Variants in ME2 observed in about 807,000 individuals in gnomAD.
ME2 encodes the protein NAD-dependent malic enzyme, mitochondrial.
ME2 carries 60 observed loss-of-function variants against 73.7 expected under a neutral mutation model. The ratio of observed to expected loss-of-function variants is 0.81; its 90% CI spans 0.66 to 1.01. The LOEUF is 1.01. ME2 is among the 50% of genes least tolerant of loss of function. ME2 has a pLI of 0.00. For synonymous variants in ME2, 199 were observed against 236.9 expected, an observed-to-expected ratio of 0.84 and a Z score of 1.47; for missense variants, 594 against 705.5, an observed-to-expected ratio of 0.84 and a Z score of 1.79.
At chr18:50,886,955 C>T (rs556861330) in intron 1 of ME2, among the ~76,000 whole-genome samples, 78 of 152,064 alleles carry the variant, frequency 5.1e-4, no homozygotes, top group Admixed American at 1.2e-3. Flanking sequence ...GAGCTGAGAT[C>T]GTGCCACTGC....
intron 1 of ME2, among the ~76,000 whole-genome samples, chr18:50,893,866 T>A (rs1051308139): frequency 2.0e-5 from 3 of 152,242 alleles, no homozygotes; most frequent in African/African-American, 7.2e-5. Context: ...CCATCCCTAC[T>A]ATCTTGGCCT....
At chr18:50,889,708 C>T (rs183203085) in intron 1 of ME2, among the ~76,000 whole-genome samples, 241 of 152,222 alleles carry the variant, frequency 1.6e-3, no homozygotes, top group Non-Finnish European at 1.5e-3. Context: ...TTTCCTAAGA[C>T]GTATCAGATT....
At position 50,953,437 on chromosome 18, in the gene ME2, T is replaced by C. The variant is rs1366561140; in HGVS notation, c.*6253T>C. ...ACCAGTTCATCTGATTTTTACTTTG[T>C]TCCCATTTATAATTCAAATATAATA... On this transcript the variant is annotated 3_prime_UTR_variant, in exon 16 of 16. Coordinates refer to ENST00000321341, the MANE Select transcript of ME2 (RefSeq NM_002396.5). The C allele has an allele frequency of 6.6e-6, 1 of 152,214 alleles. No individual in the cohort carries two copies. Among genetic ancestry groups the C allele is most frequent in the African/African-American group, 2.4e-5 (1 of 41,454 alleles). The allele number at this position is 152,214 out of a possible 1,614,324, so 9.4% of individuals were successfully genotyped here.
chr18:50,943,758 G>C (rs1437728452), intron 15 of ME2, among the ~76,000 whole-genome samples: 1 of 152,172 alleles, frequency 6.6e-6, no homozygotes, highest in Non-Finnish European at 1.5e-5. Context: ...TTATATTAAA[G>C]CCAGCTGTAC....
chr18:50,903,030 G>A (rs1430697486), intron 2 of ME2, among the ~76,000 whole-genome samples: 4 of 152,244 alleles, frequency 2.6e-5, no homozygotes, highest in African/African-American at 7.2e-5. Flanking sequence ...ATAGTTCAGG[G>A]TCTTTCAGGA....
At chr18:50,908,345 C>A in intron 3 of ME2, 149 bp downstream of exon 3, 1 of 536,504 alleles carries the variant, frequency 1.9e-6, no homozygotes, top group Non-Finnish European at 3.2e-6. Flanking sequence ...GTGTTTCTTT[C>A]ACTTCGGTGA....
In ME2 at chr18:50,940,270, T is replaced by C; in HGVS notation, c.1489-18T>C. On this transcript the variant is annotated intron_variant, in intron 14 of 15. Coordinates refer to ENST00000321341, the MANE Select transcript of ME2 (RefSeq NM_002396.5). Reference sequence around the variant, plus strand: ...GTTATTTAAACAAACAAAAGCAAAATGCTGTTTTTCTCTTCAGGCCCTGAC... The same window carrying C: ...GTTATTTAAACAAACAAAAGCAAAACGCTGTTTTTCTCTTCAGGCCCTGAC... 4.5e-6 allele frequency: 7 copies of C among 1,565,868 alleles called. No individual in the cohort carries two copies. The highest frequency in any genetic ancestry group is 6.1e-6 in the Non-Finnish European group (7 of 1,147,912).
intron 1 of ME2, among the ~76,000 whole-genome samples, chr18:50,883,602 C>T (rs1342661064): frequency 1.3e-5 from 2 of 152,194 alleles, no homozygotes; most frequent in Non-Finnish European, 2.9e-5. Context: ...GTGGCTCACA[C>T]CTGTAATCCC....
At chr18:50,929,795 T>A (rs1445950351) in intron 12 of ME2, among the ~76,000 whole-genome samples, 2 of 152,196 alleles carry the variant, frequency 1.3e-5, no homozygotes, top group African/African-American at 4.8e-5. Flanking sequence ...AAATTAAATC[T>A]TAGTCTTCTA....
chr18:50,886,168 A>T (rs543379380), intron 1 of ME2, among the ~76,000 whole-genome samples: 7 of 43,052 alleles, frequency 1.6e-4, no homozygotes, highest in Non-Finnish European at 2.9e-4. Flanking sequence ...TTTAAAATTT[A>T]AAAAAAAAGG....
intron 13 of ME2, among the ~76,000 whole-genome samples, chr18:50,937,704 CA>C (rs1299728074): frequency 1.3e-5 from 2 of 151,028 alleles, no homozygotes; most frequent in Non-Finnish European, 3.0e-5. Flanking sequence ...AAATAGAAAG[CA>C]AAACAAGCTC....
chr18:50,909,210 C>T (rs752249623), intron 3 of ME2, among the ~76,000 whole-genome samples: 3 of 152,102 alleles, frequency 2.0e-5, no homozygotes, highest in South Asian at 2.1e-4. Context: ...GCAATCTGCC[C>T]GCCTTGGCCT....
At chr18:50,928,460 G>A (rs182049808) in intron 12 of ME2, among the ~76,000 whole-genome samples, 2 of 150,130 alleles carry the variant, frequency 1.3e-5, no homozygotes, top group African/African-American at 2.5e-5. Flanking sequence ...GGATGGTCTC[G>A]ATTTCCTGAC....
chr18:50,925,969 C>T (rs1599114650), intron 12 of ME2, 71 bp downstream of exon 12: 1 of 1,077,242 alleles, frequency 9.3e-7, no homozygotes, highest in Non-Finnish European at 1.4e-6. Context: ...TACATTCTTA[C>T]ACCATTGTTC....
intron 13 of ME2, among the ~76,000 whole-genome samples, chr18:50,936,911 A>G (rs1917832026): frequency 6.6e-6 from 1 of 152,176 alleles, no homozygotes; most frequent in African/African-American, 2.4e-5. Context: ...AGCCTGGGCA[A>G]TAGAGCGAGA....
intron 2 of ME2, among the ~76,000 whole-genome samples, chr18:50,907,199 C>T (rs1315853813): frequency 3.9e-5 from 6 of 152,136 alleles, no homozygotes; most frequent in African/African-American, 1.4e-4. Flanking sequence ...CAAATAATGA[C>T]ATTTTCCTGG....
intron 2 of ME2, among the ~76,000 whole-genome samples, chr18:50,905,541 C>G (rs1227150572): frequency 6.6e-6 from 1 of 152,116 alleles, no homozygotes; most frequent in Non-Finnish European, 1.5e-5. Context: ...AATATGTACC[C>G]CAGGTTGTGG....
chr18:50,906,341 A>G (rs986204578), intron 2 of ME2, among the ~76,000 whole-genome samples: 1 of 151,864 alleles, frequency 6.6e-6, no homozygotes, highest in Non-Finnish European at 1.5e-5. Flanking sequence ...GAGATGGAGT[A>G]TTGCTCTTTT....
At chr18:50,910,546 G>T (rs1000371307) in intron 3 of ME2, among the ~76,000 whole-genome samples, 24 of 152,194 alleles carry the variant, frequency 1.6e-4, no homozygotes, top group African/African-American at 4.6e-4. Context: ...GTGCCATTCT[G>T]CACAGCAATG....
Sources: allele counts gnomAD v4.1 joint callset (sites outside exome capture counted in the v4.1 genomes callset), GRCh38; gene constraint gnomAD v4.1.1; transcripts MANE v1.5; gene names NCBI Gene and HGNC (gene_info 2026-07-23, HGNC 2026-07-21).